WHRN: variants seen among roughly 807,000 people sequenced by gnomAD.
WHRN encodes whirlin.
In WHRN, 41 loss-of-function variants were observed where a neutral mutation model predicts 68.3. That is an observed-to-expected ratio of 0.60 (90% CI 0.47 to 0.78). WHRN has a LOEUF of 0.78. Ranked by LOEUF, WHRN falls within the 30% of genes least tolerant of loss-of-function variation. WHRN has a pLI of 0.00. For missense variants in WHRN, 1,243 were observed against 1,244.7 expected (o/e 1.00, Z 0.02); for synonymous variants, 560 against 561.3 (o/e 1.00, Z 0.03).
chr9:114,499,951 G>A (rs1843783638), intron 1 of WHRN, among the ~76,000 whole-genome samples: 2 of 140,436 alleles, frequency 1.4e-5, no homozygotes, highest in Non-Finnish European at 3.1e-5. Flanking sequence ...CAAGTCAGGA[G>A]GCAATAATTT....
In WHRN at chr9:114,504,354, C is replaced by G; in HGVS notation, c.448G>C (p.Glu150Gln). The G allele has an allele frequency of 6.2e-7, 1 of 1,608,432 alleles. No homozygotes were observed. Among genetic ancestry groups the G allele is most frequent in the Non-Finnish European group, 8.5e-7 (1 of 1,179,984 alleles). Residue 150 changes from glutamate (E) to glutamine (Q), a missense_variant, in exon 1 of 12, where the codon GAG (glutamate) becomes CAG (glutamine). By Grantham distance (29) the Glu-to-Gln change is conservative (BLOSUM62 2). Transcript: ENST00000362057. ...LVSLRRAKAHEGLGFSIRGGS... is the reference protein window; with the variant it reads ...LVSLRRAKAHQGLGFSIRGGS... ...CCACGGATGCTGAAGCCCAAGCCCTCGTGGGCCTTGGCACGCCGCAAACTC... is the reference window on the plus strand; with the variant it reads ...CCACGGATGCTGAAGCCCAAGCCCTGGTGGGCCTTGGCACGCCGCAAACTC...
intron 3 of WHRN, among the ~76,000 whole-genome samples, chr9:114,439,036 A>G (rs529749830): frequency 6.6e-6 from 1 of 152,180 alleles, no homozygotes; most frequent in East Asian, 1.9e-4. Context: ...ATAGCATGCT[A>G]TCTTTTATAG....
chr9:114,462,682 G>A lies in WHRN; in HGVS notation c.963+3585C>T, dbSNP rs192906920. On this transcript the variant is annotated intron_variant, in intron 3 of 11. Coordinates refer to ENST00000362057, the MANE Select transcript of WHRN (RefSeq NM_015404.4). ...TAGTAGTTAAGAACGTGGACTCAGAGTTTGCTGGAGTGAGTTAAAATCTCA... is the reference window on the plus strand; with the variant it reads ...TAGTAGTTAAGAACGTGGACTCAGAATTTGCTGGAGTGAGTTAAAATCTCA... Among the ~76,000 whole-genome samples, 498 of 152,352 alleles carry A rather than the reference G, an allele frequency of 3.3e-3. 4 individuals are homozygous for A. The highest frequency in any genetic ancestry group is 0.012 in the African/African-American group (479 of 41,584).
chr9:114,438,803 T>C (rs1008449817), intron 3 of WHRN, among the ~76,000 whole-genome samples: 2 of 152,178 alleles, frequency 1.3e-5, no homozygotes, highest in South Asian at 4.1e-4. Flanking sequence ...CCCAAAGTGA[T>C]AAAATACATA....
At chr9:114,463,835 C>T (rs1840442828) in intron 3 of WHRN, among the ~76,000 whole-genome samples, 1 of 152,218 alleles carries the variant, frequency 6.6e-6, no homozygotes, top group Non-Finnish European at 1.5e-5. Context: ...ACCTGGCCGA[C>T]ACCGTGGAAC....
intron 3 of WHRN, among the ~76,000 whole-genome samples, chr9:114,427,704 C>T (rs1429359889): frequency 2.0e-5 from 3 of 152,232 alleles, no homozygotes; most frequent in Non-Finnish European, 4.4e-5. Flanking sequence ...TTGAATGCCT[C>T]ACCCCAGTTG....
At chr9:114,446,525 G>C (rs533937778) in intron 3 of WHRN, among the ~76,000 whole-genome samples, 33 of 152,264 alleles carry the variant, frequency 2.2e-4, no homozygotes, top group African/African-American at 7.9e-4. Context: ...AAAAACAAAC[G>C]ATGGTAATAA....
Position 114,491,536 on chromosome 9 carries a change from G to A in WHRN, c.618+12648C>T, listed in dbSNP as rs911259958. Reference sequence around the variant, plus strand: ...GGACAGAATGAGGGGATGCAACGGAGGCAGGTCGGAGCCGCTGCCATCACC... The same window carrying A: ...GGACAGAATGAGGGGATGCAACGGAAGCAGGTCGGAGCCGCTGCCATCACC... On this transcript the variant is annotated intron_variant, in intron 1 of 11. Coordinates refer to ENST00000362057, the MANE Select transcript of WHRN (RefSeq NM_015404.4). The A allele has an allele frequency of 5.3e-5, 9 of 168,664 alleles. No homozygotes were observed. The Admixed American group carries it at 5.7e-4, about 11-fold the overall frequency. The allele number at this position is 168,664 out of a possible 1,614,324, so 10.4% of individuals were successfully genotyped here. A position where few individuals can be genotyped will look rare whatever the true frequency, so the allele number is the denominator to read the frequency against.
At chr9:114,406,979 C>G in intron 8 of WHRN, 87 bp from the exon 9 acceptor site, 1 of 1,481,322 alleles carries the variant, frequency 6.8e-7, no homozygotes, top group African/African-American at 1.4e-5. Flanking sequence ...GGTGCCAGGC[C>G]CAGCTGGAAT....
chr9:114,471,441 G>A (rs1841212385), intron 2 of WHRN, among the ~76,000 whole-genome samples: 1 of 152,160 alleles, frequency 6.6e-6, no homozygotes, highest in African/African-American at 2.4e-5. Context: ...GCAGTGCCTG[G>A]GCATTTAACC....
chr9:114,485,519 C>T (rs946761507), intron 1 of WHRN, among the ~76,000 whole-genome samples: 1 of 151,612 alleles, frequency 6.6e-6, no homozygotes, highest in African/African-American at 2.4e-5. Context: ...GGTGAAACCA[C>T]GTCTCTACTA....
chr9:114,406,964 T>G (rs1835084890), intron 8 of WHRN, 72 bp from the exon 9 acceptor site: 19 of 1,523,930 alleles, frequency 1.2e-5, no homozygotes, highest in Non-Finnish European at 1.7e-5. Context: ...GCCGAGCAGC[T>G]GAGTGGTGCC....
chr9:114,482,379 C>T (rs541970884), intron 1 of WHRN, among the ~76,000 whole-genome samples: 3 of 152,192 alleles, frequency 2.0e-5, no homozygotes, highest in East Asian at 1.9e-4. Flanking sequence ...AAAAATCACA[C>T]GTGGATTGTG....
chr9:114,407,278 T>C (rs1164349165), intron 8 of WHRN, among the ~76,000 whole-genome samples: 1 of 152,144 alleles, frequency 6.6e-6, no homozygotes, highest in Non-Finnish European at 1.5e-5. Flanking sequence ...GCAAGAGGTA[T>C]GAAAGGACTG....
intron 8 of WHRN, 112 bp from the exon 9 acceptor site, chr9:114,407,004 A>C: frequency 7.6e-7 from 1 of 1,321,704 alleles, no homozygotes; most frequent in Non-Finnish European, 1.1e-6. Context: ...TCCCCACTCT[A>C]ACTGCTCTTG....
chr9:114,454,655 A>G, intron 3 of WHRN, among the ~76,000 whole-genome samples: 1 of 151,800 alleles, frequency 6.6e-6, no homozygotes, highest in East Asian at 1.9e-4. Context: ...TCTAGATTCA[A>G]CACAATTCCA....
chr9:114,452,783 G>A (rs1324193779), intron 3 of WHRN, among the ~76,000 whole-genome samples: 5 of 152,180 alleles, frequency 3.3e-5, no homozygotes, highest in Admixed American at 2.6e-4. Context: ...GGCAGATGGC[G>A]GGAATCAGTC....
At chr9:114,423,574 G>A (rs761083490) in intron 6 of WHRN, 51 bp from the exon 7 acceptor site, 5 of 1,536,572 alleles carry the variant, frequency 3.3e-6, no homozygotes, top group African/African-American at 2.7e-5. Flanking sequence ...ACTAGAAGGT[G>A]GAACAGGGGC....
At chr9:114,428,002 C>T (rs186893509) in intron 3 of WHRN, among the ~76,000 whole-genome samples, 74 of 152,262 alleles carry the variant, frequency 4.9e-4, no homozygotes, top group African/African-American at 1.7e-3. Context: ...CACTGTATCC[C>T]CAGGGCCCAG....
Sources: gnomAD v4.1 joint callset for allele counts (sites outside exome capture counted in the v4.1 genomes callset) on GRCh38, gnomAD v4.1.1 for gene constraint, MANE v1.5 for transcripts, NCBI Gene and HGNC (gene_info 2026-07-23, HGNC 2026-07-21) for gene names.